The following HDAC9 variants were observed in gnomAD, a reference collection of about 807,000 sequenced individuals.
HDAC9 encodes MEF-2 interacting transcription repressor (MITR) protein.
In HDAC9, 41 loss-of-function variants were observed where a neutral mutation model predicts 139.4. The ratio of observed to expected loss-of-function variants is 0.29; its 90% CI spans 0.23 to 0.38. The LOEUF (loss-of-function observed/expected upper bound fraction) is 0.38, where lower values mean the gene tolerates loss of function less well. Among genes scored for constraint, HDAC9 ranks in the 10% least tolerant of loss-of-function variants. The probability of loss-of-function intolerance (pLI) is 1.00; values close to 1 mark genes in which losing one functional copy is unlikely to be tolerated. For synonymous variants in HDAC9, 517 were observed against 476.2 expected, an observed-to-expected ratio of 1.09 and a Z score of -1.12; for missense variants, 1,147 against 1,297.0, an observed-to-expected ratio of 0.88 and a Z score of 1.78.
chr7:18,666,677 A>G (rs951800442), intron 12 of HDAC9: 25 of 1,323,370 alleles, frequency 1.9e-5, no homozygotes, highest in Non-Finnish European at 2.3e-5. Context: ...TGATCTCTAT[A>G]TAGATATCAA....
intron 22 of HDAC9, among the ~76,000 whole-genome samples, chr7:18,900,558 G>T (rs1179307546): frequency 6.6e-6 from 1 of 152,134 alleles, no homozygotes; most frequent in East Asian, 1.9e-4. Flanking sequence ...AAGGCAGTGT[G>T]AGAATACCAT....
intron 21 of HDAC9, among the ~76,000 whole-genome samples, chr7:18,866,224 G>A (rs1289655040): frequency 6.6e-6 from 1 of 151,488 alleles, no homozygotes; most frequent in Non-Finnish European, 1.5e-5. Context: ...TCCACTGCAG[G>A]GCTATGTCCA....
intron 1 of HDAC9, among the ~76,000 whole-genome samples, chr7:18,130,077 G>A (rs1398663609): frequency 2.0e-5 from 3 of 152,090 alleles, no homozygotes; most frequent in Non-Finnish European, 2.9e-5. Flanking sequence ...TACAGATGGA[G>A]TATCCCTTAT....
intron 2 of HDAC9, among the ~76,000 whole-genome samples, chr7:18,281,362 C>T (rs1484826911): frequency 1.3e-5 from 2 of 152,194 alleles, no homozygotes; most frequent in African/African-American, 4.8e-5. Flanking sequence ...GCCAGTCTTC[C>T]TGTTCAGATT....
intron 16 of HDAC9, among the ~76,000 whole-genome samples, chr7:18,770,147 TG>T (rs1790165739): frequency 1.3e-5 from 2 of 152,144 alleles, no homozygotes. Context: ...AGCAGCTCAG[TG>T]GATAAATGGT....
At chr7:18,255,584 T>TTGA (rs1353862643) in intron 2 of HDAC9, among the ~76,000 whole-genome samples, 1 of 152,012 alleles carries the variant, frequency 6.6e-6, no homozygotes, top group Non-Finnish European at 1.5e-5. Flanking sequence ...ATGGATAGTT[T>TTGA]TGATGATGTG....
chr7:18,847,334 T>A (rs1447952959), intron 21 of HDAC9, among the ~76,000 whole-genome samples: 1 of 152,208 alleles, frequency 6.6e-6, no homozygotes, highest in Non-Finnish European at 1.5e-5. Flanking sequence ...ACATTTTTGT[T>A]TGTGCCTTTT....
intron 1 of HDAC9, among the ~76,000 whole-genome samples, chr7:18,456,342 T>G (rs1793344996): frequency 6.6e-6 from 1 of 152,132 alleles, no homozygotes; most frequent in South Asian, 2.1e-4. Context: ...GTTCAAGTGA[T>G]TCTCTTGCCT....
At chr7:18,975,194 T>C (rs1027427399) in intron 24 of HDAC9, among the ~76,000 whole-genome samples, 1 of 152,192 alleles carries the variant, frequency 6.6e-6, no homozygotes, top group Non-Finnish European at 1.5e-5. Flanking sequence ...GTATGACATA[T>C]GGATGGGCTC....
Position 18,996,066 on chromosome 7 carries a change from GCCAAGTC to G in HDAC9, c.*7_*13del. ...GGAAGAGGAGCCAGCCTTGTGAAGT[GCCAAGTC>G]CCCCTCTGATATTTCCTGTGTGTGA... is the stretch of plus-strand genomic sequence containing the variant. On this transcript the variant is annotated 3_prime_UTR_variant, in exon 26 of 26. Transcript: ENST00000686413. The G allele has an allele frequency of 6.2e-7, 1 of 1,601,668 alleles. No homozygotes were observed. The highest frequency in any genetic ancestry group is 1.3e-5 in the African/African-American group (1 of 74,776).
intron 1 of HDAC9, among the ~76,000 whole-genome samples, chr7:18,435,205 G>T (rs1791075071): frequency 6.6e-6 from 1 of 151,780 alleles, no homozygotes; most frequent in Non-Finnish European, 1.5e-5. Context: ...GCTAAACATA[G>T]ACCATATAGG....
At chr7:18,427,337 G>T (rs758699325) in intron 1 of HDAC9, among the ~76,000 whole-genome samples, 1 of 151,956 alleles carries the variant, frequency 6.6e-6, no homozygotes, top group African/African-American at 2.4e-5. Flanking sequence ...CATTAGCAGG[G>T]GTAAGATGTA....
chr7:18,556,503 A>T (rs887227785), intron 2 of HDAC9, among the ~76,000 whole-genome samples: 1 of 152,036 alleles, frequency 6.6e-6, no homozygotes, highest in African/African-American at 2.4e-5. Flanking sequence ...GCAGTATCCT[A>T]TGTGATCAAA....
At chr7:18,550,772 G>A (rs1290368935) in intron 2 of HDAC9, among the ~76,000 whole-genome samples, 3 of 152,188 alleles carry the variant, frequency 2.0e-5, no homozygotes, top group African/African-American at 7.2e-5. Context: ...CAGAGTGGCT[G>A]GAGTAGAGTG....
chr7:18,732,530 GTA>G (rs1183373744), intron 13 of HDAC9, among the ~76,000 whole-genome samples: 5 of 87,664 alleles, frequency 5.7e-5, no homozygotes, highest in African/African-American at 9.3e-5. Context: ...GTATGTATGT[GTA>G]TATATGTGTA....
chr7:18,993,378 C>T (rs1488731016), intron 25 of HDAC9, among the ~76,000 whole-genome samples: 1 of 152,204 alleles, frequency 6.6e-6, no homozygotes. Context: ...TCTAGAGACA[C>T]TGACTGACTG....
chr7:18,087,652 C>A (rs1222362836), intron 1 of HDAC9, among the ~76,000 whole-genome samples: 3 of 152,080 alleles, frequency 2.0e-5, no homozygotes, highest in African/African-American at 7.2e-5. Flanking sequence ...CATCAGAATC[C>A]TGGGTTTTAA....
At chr7:18,671,636 T>C (rs920831597) in intron 12 of HDAC9, among the ~76,000 whole-genome samples, 1 of 152,048 alleles carries the variant, frequency 6.6e-6, no homozygotes, top group African/African-American at 2.4e-5. Flanking sequence ...TTCATGGTGC[T>C]GTGCAGCCAT....
chr7:18,127,399 T>G (rs1474386025), intron 1 of HDAC9: 1 of 170,010 alleles, frequency 5.9e-6, no homozygotes, highest in Non-Finnish European at 1.5e-5. Context: ...TCCTTCTCTC[T>G]CCTTCTCTAG....
Sources: allele counts gnomAD v4.1 joint callset (sites outside exome capture counted in the v4.1 genomes callset), GRCh38; gene constraint gnomAD v4.1.1; transcripts MANE v1.5; gene names NCBI Gene and HGNC (gene_info 2026-07-23, HGNC 2026-07-21).